Variants in KIF16B observed in about 807,000 individuals in gnomAD.
KIF16B encodes the protein kinesin family member 16B.
Under a neutral mutation model 156.3 loss-of-function variants are expected in KIF16B, and 98 were observed. That is an observed-to-expected ratio of 0.63 (90% CI 0.53 to 0.74). The LOEUF is 0.74. KIF16B is among the 30% of genes least tolerant of loss of function. The probability of loss-of-function intolerance (pLI) is 0.00; values close to 1 mark genes in which losing one functional copy is unlikely to be tolerated. For synonymous variants in KIF16B, 564 were observed against 583.7 expected, an observed-to-expected ratio of 0.97 and a Z score of 0.49; for missense variants, 1,421 against 1,606.5, an observed-to-expected ratio of 0.88 and a Z score of 1.97.
At chr20:16,438,012 T>C (rs1404916855) in intron 12 of KIF16B, among the ~76,000 whole-genome samples, 2 of 149,834 alleles carry the variant, frequency 1.3e-5, no homozygotes, top group Non-Finnish European at 3.0e-5. Flanking sequence ...ACAGGTGTGG[T>C]GGCGTGCACC....
intron 24 of KIF16B, among the ~76,000 whole-genome samples, chr20:16,333,455 T>C (rs1215448617): frequency 6.6e-6 from 1 of 152,244 alleles, no homozygotes; most frequent in Non-Finnish European, 1.5e-5. Context: ...AGCTGTCTTG[T>C]TCACAATGTG....
intron 17 of KIF16B, among the ~76,000 whole-genome samples, chr20:16,389,946 C>T (rs2065323847): frequency 6.6e-6 from 1 of 152,156 alleles, no homozygotes; most frequent in South Asian, 2.1e-4. Context: ...CTACACTACT[C>T]ACTCCCACTC....
chr20:16,492,085 A>G (rs956223563), intron 12 of KIF16B, among the ~76,000 whole-genome samples: 3 of 152,206 alleles, frequency 2.0e-5, no homozygotes, highest in Non-Finnish European at 4.4e-5. Context: ...CTCATGGCTC[A>G]TAACTCAAAC....
chr20:16,486,361 T>C (rs1045723744), intron 12 of KIF16B, among the ~76,000 whole-genome samples: 7 of 152,144 alleles, frequency 4.6e-5, no homozygotes, highest in Admixed American at 4.6e-4. Flanking sequence ...TTCAAACTCA[T>C]AGTAATGCTA....
chr20:16,405,103 A>C (rs1454007455), intron 16 of KIF16B, among the ~76,000 whole-genome samples: 6 of 152,182 alleles, frequency 3.9e-5, no homozygotes, highest in African/African-American at 1.4e-4. Context: ...CCTTCTCCTA[A>C]GTACAGCAGG....
chr20:16,396,435 GAA>G (rs964944074), intron 17 of KIF16B, among the ~76,000 whole-genome samples: 1 of 151,688 alleles, frequency 6.6e-6, no homozygotes, highest in Admixed American at 6.6e-5. Context: ...ATTTATGAAA[GAA>G]AAAATAATAA....
chr20:16,305,527 T>C (rs1407654412), intron 25 of KIF16B, among the ~76,000 whole-genome samples: 1 of 152,242 alleles, frequency 6.6e-6, no homozygotes, highest in Non-Finnish European at 1.5e-5. Flanking sequence ...CTTTACTTTG[T>C]GTTAGAAACA....
At chr20:16,473,225 T>A (rs1391368819) in intron 12 of KIF16B, among the ~76,000 whole-genome samples, 1 of 152,188 alleles carries the variant, frequency 6.6e-6, no homozygotes, top group Non-Finnish European at 1.5e-5. Context: ...CCTCTACTCA[T>A]CAAACTTAGA....
chr20:16,429,910 T>C lies in KIF16B; in HGVS notation c.1375A>G (p.Ile459Val). ...CCAGTACTCAAAAGGTCATCATCGA[T>C]GCCAATCAAATGAGGCAGTTCAGAA... Reference protein sequence around the residue: ...LDSELPHLIGIDDDLLSTGII... With the variant: ...LDSELPHLIGVDDDLLSTGII... Residue 459 changes from isoleucine (I) to valine (V), a missense_variant, in exon 13 of 26, where the codon ATC (isoleucine) becomes GTC (valine). Physicochemically the swap from Ile to Val is conservative, Grantham distance 29 (BLOSUM62 3). Transcript: ENST00000354981. 6.2e-7 allele frequency: 1 copy of C among 1,613,078 alleles called. No individual in the cohort carries two copies. The highest frequency in any genetic ancestry group is 8.5e-7 in the Non-Finnish European group (1 of 1,179,346).
At position 16,378,917 on chromosome 20, in the gene KIF16B, T is replaced by C; in HGVS notation, c.3085A>G (p.Ile1029Val). 6.2e-7 allele frequency: 1 copy of C among 1,614,048 alleles called. No individual in the cohort carries two copies. Among genetic ancestry groups the C allele is most frequent in the African/African-American group, 1.3e-5 (1 of 75,040 alleles). Residue 1029 changes from isoleucine (I) to valine (V), a missense_variant, in exon 19 of 26, where the codon ATT (isoleucine) becomes GTT (valine). By Grantham distance (29) the Ile-to-Val change is conservative. Transcript: ENST00000354981. ...GCAAGTTTCTGCCTCTGCTCTTCAA[T>C]CTCCATGCCCAGGGTGGAGTGCCTC... ...LQRHSTLGME[I>V]EEQRQKLASL...
intron 1 of KIF16B, among the ~76,000 whole-genome samples, chr20:16,542,750 C>A (rs2070253271): frequency 6.6e-6 from 1 of 152,144 alleles, no homozygotes; most frequent in South Asian, 2.1e-4. Flanking sequence ...GAGGTGGAGG[C>A]CAAATCATGC....
Position 16,497,687 on chromosome 20 carries a change from T to C in KIF16B, c.1177-9A>G, listed in dbSNP as rs199929313. 1.9e-6 allele frequency: 3 copies of C among 1,584,546 alleles called. No homozygotes were observed. Among genetic ancestry groups the C allele is most frequent in the East Asian group, 2.2e-5 (1 of 44,682 alleles). On this transcript the variant is annotated splice_polypyrimidine_tract_variant and intron_variant, in intron 10 of 25. Transcript: ENST00000354981. ...GAGTCTAAGAGGGCAATCTACAATA[T>C]AAACCATAAAAGAAATCAGCAATTA...
At chr20:16,503,043 G>A (rs916973193) in intron 10 of KIF16B, among the ~76,000 whole-genome samples, 14 of 151,996 alleles carry the variant, frequency 9.2e-5, no homozygotes, top group African/African-American at 2.4e-4. Flanking sequence ...GTGAAACCCC[G>A]TCTCTACCAA....
intron 12 of KIF16B, among the ~76,000 whole-genome samples, chr20:16,457,944 A>AG (rs1483490653): frequency 1.3e-5 from 2 of 152,238 alleles, no homozygotes; most frequent in African/African-American, 4.8e-5. Flanking sequence ...ACATAAGTAA[A>AG]GCATGAGTGA....
chr20:16,426,881 G>A (rs924827460), intron 15 of KIF16B, among the ~76,000 whole-genome samples: 1 of 151,996 alleles, frequency 6.6e-6, no homozygotes, highest in African/African-American at 2.4e-5. Flanking sequence ...CAACTTTTAA[G>A]ATAATTCTAT....
intron 2 of KIF16B, 48 bp downstream of exon 2, chr20:16,528,323 G>A: frequency 7.2e-7 from 1 of 1,388,462 alleles, no homozygotes; most frequent in Non-Finnish European, 1.0e-6. Context: ...CCACAGTAAA[G>A]CAATCATGGG....
intron 24 of KIF16B, among the ~76,000 whole-genome samples, chr20:16,328,207 T>C (rs892055943): frequency 6.6e-6 from 1 of 152,194 alleles, no homozygotes; most frequent in Non-Finnish European, 1.5e-5. Context: ...CAGATGTGAG[T>C]GAACAATTGC....
intron 1 of KIF16B, among the ~76,000 whole-genome samples, chr20:16,568,510 A>G (rs2071341592): frequency 1.3e-5 from 2 of 152,242 alleles, no homozygotes; most frequent in Admixed American, 1.3e-4. Context: ...TGAACCCACA[A>G]CAGTGTTTTT....
At chr20:16,370,660 C>G in intron 21 of KIF16B, 24 bp from the exon 22 acceptor site, 1 of 1,568,682 alleles carries the variant, frequency 6.4e-7, no homozygotes, top group Non-Finnish European at 8.6e-7. Context: ...AAAAAGCCCT[C>G]TATATTAAAT....
Sources: allele counts gnomAD v4.1 joint callset (sites outside exome capture counted in the v4.1 genomes callset), GRCh38; gene constraint gnomAD v4.1.1; transcripts MANE v1.5; gene names NCBI Gene and HGNC (gene_info 2026-07-23, HGNC 2026-07-21).